The following MPPED2 variants were observed in gnomAD, a reference collection of about 807,000 sequenced individuals.
The protein encoded by MPPED2 is metallophosphoesterase MPPED2.
Under a neutral mutation model 33.0 loss-of-function variants are expected in MPPED2, and 5 were observed. That is an observed-to-expected ratio of 0.15 (90% CI 0.08 to 0.32). The LOEUF (loss-of-function observed/expected upper bound fraction) is 0.32. MPPED2 is among the 10% of genes least tolerant of loss of function. MPPED2 has a pLI of 1.00. For missense variants in MPPED2, 275 were observed against 372.1 expected (o/e 0.74, Z 2.15); for synonymous variants, 136 against 141.9 (o/e 0.96, Z 0.29).
At chr11:30,516,246 C>T (rs111922994) in intron 3 of MPPED2, among the ~76,000 whole-genome samples, 2 of 152,204 alleles carry the variant, frequency 1.3e-5, no homozygotes, top group African/African-American at 4.8e-5. Flanking sequence ...AAGCTCGCTC[C>T]CTTCTAGAAG....
rs576217818 is a variant in MPPED2 at position 30,542,347 on chromosome 11, C to T, written c.129-6172G>A. 8.6e-5 allele frequency among the ~76,000 whole-genome samples: 13 copies of T among 150,776 alleles called. No homozygotes were observed. In the South Asian group the frequency reaches 1.5e-3, roughly 17 times the overall value. On this transcript the variant is annotated intron_variant, in intron 2 of 6. Transcript: ENST00000358117. ...AATAAACACGAGCCAGGTTCGGTGG[C>T]TCATGTCTGTAATCCCAGCACTTTG...
At chr11:30,514,504 C>T (rs1489266329) in intron 3 of MPPED2, among the ~76,000 whole-genome samples, 1 of 152,058 alleles carries the variant, frequency 6.6e-6, no homozygotes, top group Non-Finnish European at 1.5e-5. Context: ...CTGCTTTGTG[C>T]CTGGACATTT....
chr11:30,427,974 C>T (rs1948916281), intron 4 of MPPED2, among the ~76,000 whole-genome samples: 2 of 152,106 alleles, frequency 1.3e-5, no homozygotes, highest in East Asian at 1.9e-4. Flanking sequence ...TCTACTTTTT[C>T]TAAGGTGGTT....
chr11:30,489,328 A>C (rs889685107), intron 4 of MPPED2, among the ~76,000 whole-genome samples: 4 of 152,402 alleles, frequency 2.6e-5, no homozygotes, highest in African/African-American at 9.6e-5. Flanking sequence ...TGCACTGATC[A>C]GAACAAGGGA....
chr11:30,518,900 T>C (rs182779037), intron 3 of MPPED2, among the ~76,000 whole-genome samples: 1 of 152,342 alleles, frequency 6.6e-6, no homozygotes, highest in Admixed American at 6.5e-5. Flanking sequence ...TGTTTCTATC[T>C]ATTTTTATAG....
intron 6 of MPPED2, among the ~76,000 whole-genome samples, chr11:30,399,166 T>C (rs1320221400): frequency 5.9e-5 from 9 of 152,160 alleles, no homozygotes; most frequent in Non-Finnish European, 2.9e-5. Context: ...CCAATACTTT[T>C]TTTTTTAATA....
chr11:30,396,576 C>G (rs1947842101), intron 6 of MPPED2, among the ~76,000 whole-genome samples: 1 of 152,026 alleles, frequency 6.6e-6, no homozygotes, highest in South Asian at 2.1e-4. Context: ...AAGGAAAACC[C>G]AGGTTTACTT....
intron 4 of MPPED2, among the ~76,000 whole-genome samples, chr11:30,444,677 G>A (rs1027833414): frequency 7.2e-5 from 11 of 151,956 alleles, no homozygotes; most frequent in African/African-American, 9.7e-5. Context: ...TCCTTTCTAC[G>A]TTATTTTTTG....
intron 4 of MPPED2, among the ~76,000 whole-genome samples, chr11:30,481,489 G>A (rs1383614396): frequency 6.6e-6 from 1 of 152,138 alleles, no homozygotes; most frequent in Non-Finnish European, 1.5e-5. Context: ...TTGAACAAAA[G>A]CATCCAAGTC....
chr11:30,490,891 A>C (rs1166252762), intron 4 of MPPED2, among the ~76,000 whole-genome samples: 2 of 151,922 alleles, frequency 1.3e-5, no homozygotes, highest in Non-Finnish European at 2.9e-5. Context: ...AATTATAGCT[A>C]TTTTCCTAGT....
intron 4 of MPPED2, among the ~76,000 whole-genome samples, chr11:30,437,491 T>A (rs1353595848): frequency 1.3e-5 from 2 of 152,182 alleles, no homozygotes; most frequent in Non-Finnish European, 2.9e-5. Context: ...TACTCTCTGT[T>A]TCTAAGTAAG....
chr11:30,581,792 T>C (rs957258601), intron 1 of MPPED2, among the ~76,000 whole-genome samples: 1 of 152,194 alleles, frequency 6.6e-6, no homozygotes, highest in Non-Finnish European at 1.5e-5. Context: ...GCCTTCTTCA[T>C]ATTAGCAAAG....
intron 4 of MPPED2, among the ~76,000 whole-genome samples, chr11:30,423,482 T>C (rs976798645): frequency 6.6e-6 from 1 of 152,196 alleles, no homozygotes; most frequent in Non-Finnish European, 1.5e-5. Flanking sequence ...AAAGATCACA[T>C]AGCACCCAGA....
intron 1 of MPPED2, among the ~76,000 whole-genome samples, chr11:30,582,401 C>A (rs952937607): frequency 1.3e-5 from 2 of 152,138 alleles, no homozygotes; most frequent in African/African-American, 4.8e-5. Flanking sequence ...GTAAAAATTA[C>A]TTGACAATTC....
intron 2 of MPPED2, among the ~76,000 whole-genome samples, chr11:30,561,296 C>G (rs1449509443): frequency 6.6e-6 from 1 of 152,114 alleles, no homozygotes; most frequent in African/African-American, 2.4e-5. Context: ...CTTGAGCATT[C>G]CAGAGCCACT....
intron 3 of MPPED2, among the ~76,000 whole-genome samples, chr11:30,521,439 C>A (rs973756220): frequency 2.6e-5 from 4 of 152,154 alleles, no homozygotes; most frequent in Non-Finnish European, 4.4e-5. Flanking sequence ...GACTAACAGC[C>A]AGGCCAGAAA....
At chr11:30,414,820 C>T (rs1454766665) in intron 5 of MPPED2, among the ~76,000 whole-genome samples, 1 of 152,142 alleles carries the variant, frequency 6.6e-6, no homozygotes, top group African/African-American at 2.4e-5. Flanking sequence ...AAGTCTTACC[C>T]CTTGTGGTTC....
rs1812539817 is a variant in MPPED2 at position 30,411,551 on chromosome 11, T to C, written c.802A>G (p.Ile268Val). 2 of 1,613,744 alleles carry C rather than the reference T, an allele frequency of 1.2e-6. No homozygotes were observed. The highest frequency in any genetic ancestry group is 2.7e-5 in the African/African-American group (2 of 74,930). ...CTGACTGTACACGTCGAGGCATTGATGTACGTTGTGTAACCGTCGGTCATG... is the reference window on the plus strand; with the variant it reads ...CTGACTGTACACGTCGAGGCATTGACGTACGTTGTGTAACCGTCGGTCATG... The part of the protein sequence containing the change: ...GIMTDGYTTY[I>V]NASTCTVSFQ... Residue 268 changes from isoleucine to valine, a missense_variant, in exon 7 of 7, where the codon ATC (isoleucine) becomes GTC (valine). Transcript: ENST00000358117.
intron 4 of MPPED2, among the ~76,000 whole-genome samples, chr11:30,475,712 A>G (rs1278753520): frequency 6.6e-6 from 1 of 152,126 alleles, no homozygotes; most frequent in Non-Finnish European, 1.5e-5. Context: ...GCTATTAAGA[A>G]TATTTGTGTA....
Sources: allele counts gnomAD v4.1 joint callset (sites outside exome capture counted in the v4.1 genomes callset), GRCh38; gene constraint gnomAD v4.1.1; transcripts MANE v1.5; gene names NCBI Gene and HGNC (gene_info 2026-07-23, HGNC 2026-07-21).